The following CUX1 variants were observed in gnomAD, a reference collection of about 807,000 sequenced individuals.
CUX1 encodes cut like homeobox 1.
In CUX1, 31 loss-of-function variants were observed where a neutral mutation model predicts 158.8. That is an observed-to-expected ratio of 0.20 (90% CI 0.15 to 0.26). CUX1 has a LOEUF of 0.26. CUX1 is among the 10% of genes least tolerant of loss of function. The pLI, the probability that CUX1 is intolerant of heterozygous loss-of-function variation, is 1.00. For synonymous variants in CUX1, 879 were observed against 862.1 expected, an observed-to-expected ratio of 1.02 and a Z score of -0.34; for missense variants, 1,589 against 2,014.6, an observed-to-expected ratio of 0.79 and a Z score of 4.04.
At chr7:102,178,298 G>C (rs1406029823) in intron 10 of CUX1, among the ~76,000 whole-genome samples, 171 bp from the exon 11 acceptor site, 1 of 152,186 alleles carries the variant, frequency 6.6e-6, no homozygotes, top group African/African-American at 2.4e-5. Flanking sequence ...CTAACCACAG[G>C]GGGAGGAAGG....
intron 8 of CUX1, among the ~76,000 whole-genome samples, chr7:102,137,153 AGGCTCTT>A (rs782366323): frequency 2.6e-5 from 4 of 152,142 alleles, no homozygotes; most frequent in Non-Finnish European, 5.9e-5. Flanking sequence ...AGAATCGTGG[AGGCTCTT>A]GGTTTAAGCC....
chr7:102,266,203 CAA>C (rs34666659), intron 14 of CUX1, among the ~76,000 whole-genome samples: 48 of 100,922 alleles, frequency 4.8e-4, no homozygotes, highest in South Asian at 3.0e-3. Flanking sequence ...GACTCCGTTT[CAA>C]AAAAAAAAAA....
intron 3 of CUX1, among the ~76,000 whole-genome samples, chr7:102,031,284 C>G (rs1268186655): frequency 1.3e-5 from 2 of 152,148 alleles, no homozygotes; most frequent in East Asian, 1.9e-4. Context: ...GTCTCAAACT[C>G]CTGACCTCAA....
intron 23 of CUX1, among the ~76,000 whole-genome samples, chr7:102,239,896 A>G (rs1264763338): frequency 2.6e-5 from 4 of 151,948 alleles, no homozygotes; most frequent in East Asian, 1.9e-4. Flanking sequence ...ACAGGCATGC[A>G]CCACCAAGCC....
intron 5 of CUX1, among the ~76,000 whole-genome samples, chr7:102,101,198 A>G (rs1829735262): frequency 6.6e-6 from 1 of 152,202 alleles, no homozygotes; most frequent in Non-Finnish European, 1.5e-5. Context: ...CATCTAAACT[A>G]TATCAGGTAC....
At chr7:102,066,623 C>A (rs967072237) in intron 3 of CUX1, among the ~76,000 whole-genome samples, 2 of 152,140 alleles carry the variant, frequency 1.3e-5, no homozygotes, top group African/African-American at 2.4e-5. Flanking sequence ...CTAGGCAGAT[C>A]CTAAGCCAGA....
chr7:102,151,414 G>A (rs1481193405), intron 8 of CUX1, among the ~76,000 whole-genome samples: 1 of 152,072 alleles, frequency 6.6e-6, no homozygotes, highest in Admixed American at 6.6e-5. Flanking sequence ...TTAGCCGGGT[G>A]TGGTGGCGCA....
At chr7:102,211,813 A>G (rs952442498) in intron 20 of CUX1, among the ~76,000 whole-genome samples, 3 of 147,898 alleles carry the variant, frequency 2.0e-5, no homozygotes, top group Non-Finnish European at 4.4e-5. Context: ...ACTCAACCTG[A>G]TCTCGGCTGA....
chr7:101,937,256 T>C (rs910319536), intron 2 of CUX1, among the ~76,000 whole-genome samples: 17 of 152,130 alleles, frequency 1.1e-4, no homozygotes, highest in Admixed American at 6.6e-4. Flanking sequence ...AGACATTAGC[T>C]CCTGGAGGGG....
rs774025497 is a variant in CUX1, at chr7:102,082,647, G to GT, written c.268+12231dup. Among the ~76,000 whole-genome samples the GT allele has an allele frequency of 2.6e-4, 39 of 147,538 alleles. 6 individuals carry two copies. The highest frequency in any genetic ancestry group is 5.7e-4 in the Non-Finnish European group (37 of 65,238). ...CCTCAAAAGTTCCCTTCTGATCCCA[G>GT]TACCCAGCAACTGCTGTTCTGCTCT... On this transcript the variant is annotated intron_variant, in intron 4 of 23. Coordinates refer to ENST00000292535, the MANE Select transcript of CUX1 (RefSeq NM_181552.4).
At chr7:101,979,968 T>A (rs1196277558) in intron 2 of CUX1, among the ~76,000 whole-genome samples, 1 of 152,138 alleles carries the variant, frequency 6.6e-6, no homozygotes, top group Non-Finnish European at 1.5e-5. Context: ...GTTTTATTTC[T>A]TCGTCTGTTA....
chr7:101,972,365 T>C (rs989514873), intron 2 of CUX1, among the ~76,000 whole-genome samples: 3 of 152,246 alleles, frequency 2.0e-5, no homozygotes, highest in Non-Finnish European at 2.9e-5. Context: ...CTTTTAAATC[T>C]GGTTGGTTTA....
chr7:101,942,903 C>T (rs1025583114), intron 2 of CUX1, among the ~76,000 whole-genome samples: 1 of 152,162 alleles, frequency 6.6e-6, no homozygotes, highest in African/African-American at 2.4e-5. Context: ...TTGGTTCCAT[C>T]GGCTGCTGGG....
At chr7:102,208,648 G>T (rs553532077) in intron 20 of CUX1, among the ~76,000 whole-genome samples, 1 of 152,306 alleles carries the variant, frequency 6.6e-6, no homozygotes, top group South Asian at 2.1e-4. Context: ...CTGTGTCTCT[G>T]TGGAAGCTTC....
At chr7:101,965,608 G>A (rs1471241337) in intron 2 of CUX1, among the ~76,000 whole-genome samples, 2 of 152,122 alleles carry the variant, frequency 1.3e-5, no homozygotes, top group African/African-American at 4.8e-5. Context: ...AGCACTTTGG[G>A]AGGCCGAGGT....
chr7:102,130,523 A>T (rs577357997), intron 8 of CUX1, among the ~76,000 whole-genome samples: 1 of 151,986 alleles, frequency 6.6e-6, no homozygotes, highest in Non-Finnish European at 1.5e-5. Context: ...TCTACTAAAA[A>T]CACAAAAATT....
chr7:101,895,338 A>G (rs1460166848), intron 1 of CUX1, among the ~76,000 whole-genome samples: 2 of 152,154 alleles, frequency 1.3e-5, no homozygotes, highest in African/African-American at 4.8e-5. Context: ...CTAATCAACC[A>G]GGCTTCCCCA....
At chr7:101,928,206 G>A (rs757694195) in intron 2 of CUX1, among the ~76,000 whole-genome samples, 4 of 152,068 alleles carry the variant, frequency 2.6e-5, no homozygotes, top group Admixed American at 6.6e-5. Flanking sequence ...TCAAAAAATA[G>A]GAATGATAAC....
intron 2 of CUX1, chr7:101,932,595 G>A (rs1240676650): frequency 6.6e-6 from 3 of 455,372 alleles, no homozygotes; most frequent in East Asian, 6.9e-5. Context: ...TGAAGATTTC[G>A]GCCTGGTTGA....
Sources: gnomAD v4.1 joint callset for allele counts (sites outside exome capture counted in the v4.1 genomes callset) on GRCh38, gnomAD v4.1.1 for gene constraint, MANE v1.5 for transcripts, NCBI Gene and HGNC (gene_info 2026-07-23, HGNC 2026-07-21) for gene names.